The following ESRP1 variants were observed in gnomAD, a reference collection of about 807,000 sequenced individuals.
The protein encoded by ESRP1 is RNA-binding motif protein 35A.
In ESRP1, 33 loss-of-function variants were observed where a neutral mutation model predicts 81.7. That is an observed-to-expected ratio of 0.40 (90% confidence interval 0.31 to 0.54). The LOEUF is 0.54. ESRP1 is among the 20% of genes least tolerant of loss of function. The pLI, the probability that ESRP1 is intolerant of heterozygous loss-of-function variation, is 0.41. For synonymous variants in ESRP1, 320 were observed against 303.3 expected, an observed-to-expected ratio of 1.06 and a Z score of -0.57; for missense variants, 672 against 833.1, an observed-to-expected ratio of 0.81 and a Z score of 2.38.
chr8:94,661,820 A>G (rs1204197910), intron 4 of ESRP1, among the ~76,000 whole-genome samples: 1 of 152,218 alleles, frequency 6.6e-6, no homozygotes, highest in Non-Finnish European at 1.5e-5. Context: ...TGTCACATCA[A>G]TAATCTGTGG....
At chr8:94,677,180 C>A (rs998032102) in intron 12 of ESRP1, among the ~76,000 whole-genome samples, 9 of 152,120 alleles carry the variant, frequency 5.9e-5, no homozygotes, top group Non-Finnish European at 1.0e-4. Flanking sequence ...CTGTCTTATT[C>A]ATCTCCATGG....
intron 4 of ESRP1, among the ~76,000 whole-genome samples, chr8:94,654,724 C>G (rs1470546728): frequency 6.6e-6 from 1 of 151,854 alleles, no homozygotes; most frequent in African/African-American, 2.4e-5. Context: ...AAGTTCAGGA[C>G]CAGCCTAAGC....
chr8:94,651,256 T>G (rs1197886115), intron 4 of ESRP1, among the ~76,000 whole-genome samples: 1 of 150,854 alleles, frequency 6.6e-6, no homozygotes, highest in East Asian at 1.9e-4. Context: ...TTTTTTTTTT[T>G]TTTTTGGGCA....
intron 4 of ESRP1, among the ~76,000 whole-genome samples, chr8:94,661,984 T>C (rs539580959): frequency 6.6e-6 from 1 of 152,352 alleles, no homozygotes; most frequent in Admixed American, 6.5e-5. Flanking sequence ...TTGCATACTT[T>C]GATTCAAAAT....
chr8:94,648,853 G>A (rs1200358819), intron 4 of ESRP1, among the ~76,000 whole-genome samples: 1 of 152,244 alleles, frequency 6.6e-6, no homozygotes, highest in Non-Finnish European at 1.5e-5. Context: ...CCTCAGTGAT[G>A]TCACAATATT....
intron 14 of ESRP1, among the ~76,000 whole-genome samples, chr8:94,695,348 CTTTTTTTT>C (rs1177357708): frequency 0.037 from 2,274 of 61,158 alleles, 67 homozygotes; most frequent in African/African-American, 0.13. Context: ...CTTTTTCTTT[CTTTTTTTT>C]TTTTTTTTTT....
chr8:94,645,964 CAA>C (rs1452785325), intron 3 of ESRP1, among the ~76,000 whole-genome samples: 11 of 152,092 alleles, frequency 7.2e-5, no homozygotes, highest in South Asian at 4.1e-4. Flanking sequence ...TGCCTTAAAA[CAA>C]GAGGAATTTT....
intron 4 of ESRP1, among the ~76,000 whole-genome samples, chr8:94,654,967 A>C (rs866722851): frequency 2.0e-5 from 3 of 152,020 alleles, no homozygotes; most frequent in Middle Eastern, 6.8e-3. Context: ...AAGGTTTAAA[A>C]CTAAGGTTGT....
In ESRP1 at chr8:94,641,348, GC is replaced by G; in HGVS notation, c.31del (p.Leu11PhefsTer13). On this transcript the variant is annotated frameshift_variant, in exon 1 of 16. Coordinates refer to ENST00000433389, the MANE Select transcript of ESRP1 (RefSeq NM_017697.4). LOFTEE classifies it high-confidence loss of function. Reference protein sequence around the residue: MTASPDYLVVLFGITAGATGA... With the variant: MTASPDYLVVXFGITAGATGA... ...CGGCCTCTCCGGATTACTTGGTGGT[GC>G]TTTTTGGGATCACTGCTGGGGCCAC... is the stretch of plus-strand genomic sequence containing the variant. 6.2e-7 allele frequency: 1 copy of G among 1,613,830 alleles called. No homozygotes were observed. Among genetic ancestry groups the G allele is most frequent in the Non-Finnish European group, 8.5e-7 (1 of 1,179,848 alleles).
At chr8:94,681,404 G>GAGATGGGC (rs1808879368) in intron 13 of ESRP1, among the ~76,000 whole-genome samples, 1 of 149,710 alleles carries the variant, frequency 6.7e-6, no homozygotes, top group East Asian at 2.0e-4. Context: ...TTATGAGGCT[G>GAGATGGGC]AGATGGGCAA....
intron 11 of ESRP1, among the ~76,000 whole-genome samples, chr8:94,672,619 G>A (rs1819383040): frequency 1.3e-5 from 2 of 151,570 alleles, no homozygotes; most frequent in African/African-American, 4.9e-5. Flanking sequence ...TGTAATCTCT[G>A]CCTCCTGAGT....
intron 4 of ESRP1, among the ~76,000 whole-genome samples, chr8:94,649,193 CA>C (rs1217222017): frequency 6.6e-6 from 1 of 152,196 alleles, no homozygotes; most frequent in Non-Finnish European, 1.5e-5. Flanking sequence ...GCCCAGGTGA[CA>C]GAGTGAGATT....
intron 15 of ESRP1, among the ~76,000 whole-genome samples, chr8:94,698,202 C>T (rs1182444055): frequency 6.6e-6 from 1 of 152,202 alleles, no homozygotes; most frequent in Admixed American, 6.5e-5. Flanking sequence ...CCGTCCAGCT[C>T]CAGAACTTTC....
intron 6 of ESRP1, among the ~76,000 whole-genome samples, chr8:94,664,078 G>C (rs1349830253): frequency 6.7e-6 from 1 of 149,972 alleles, no homozygotes; most frequent in East Asian, 1.9e-4. Context: ...GGGGTTCTAG[G>C]AACTTTCAGG....
intron 4 of ESRP1, among the ~76,000 whole-genome samples, chr8:94,659,902 G>A (rs570862816): frequency 8.5e-5 from 13 of 152,192 alleles, no homozygotes; most frequent in Admixed American, 6.5e-5. Context: ...AAGCCAAAGC[G>A]CAATCTGGAG....
intron 15 of ESRP1, among the ~76,000 whole-genome samples, chr8:94,701,308 C>T (rs1809830068): frequency 6.6e-6 from 1 of 151,158 alleles, no homozygotes; most frequent in Non-Finnish European, 1.5e-5. Context: ...CGATTGATCT[C>T]ATGGCTGGCT....
intron 3 of ESRP1, among the ~76,000 whole-genome samples, chr8:94,643,913 T>C (rs1817727857): frequency 6.6e-6 from 1 of 152,242 alleles, no homozygotes; most frequent in African/African-American, 2.4e-5. Flanking sequence ...TTTAAAGTTG[T>C]ATTTCTAATC....
chr8:94,644,039 A>T (rs1472501415), intron 3 of ESRP1, among the ~76,000 whole-genome samples: 1 of 152,236 alleles, frequency 6.6e-6, no homozygotes, highest in Non-Finnish European at 1.5e-5. Context: ...TTGCATCAAA[A>T]CAAAAGGGTC....
intron 10 of ESRP1, 108 bp downstream of exon 10, chr8:94,668,358 T>G (rs1819127363): frequency 1.9e-6 from 2 of 1,077,660 alleles, no homozygotes; most frequent in Non-Finnish European, 2.6e-6. Flanking sequence ...GGCAAAATAC[T>G]AAAAGTGTAA....
Sources: gnomAD v4.1 joint callset for allele counts (sites outside exome capture counted in the v4.1 genomes callset) on GRCh38, gnomAD v4.1.1 for gene constraint, MANE v1.5 for transcripts, NCBI Gene and HGNC (gene_info 2026-07-23, HGNC 2026-07-21) for gene names.